MCM4: variants seen among roughly 807,000 people sequenced by gnomAD.
MCM4 encodes the protein DNA replication licensing factor MCM4.
In MCM4, 60 loss-of-function variants were observed where a neutral mutation model predicts 88.7. The ratio of observed to expected loss-of-function variants is 0.68; its 90% CI spans 0.55 to 0.84. The LOEUF is 0.84. Among genes scored for constraint, MCM4 ranks in the 40% least tolerant of loss-of-function variants. MCM4 has a pLI of 0.00. For synonymous variants in MCM4, 465 were observed against 410.5 expected, an observed-to-expected ratio of 1.13 and a Z score of -1.61; for missense variants, 1,149 against 1,105.5, an observed-to-expected ratio of 1.04 and a Z score of -0.56.
At chr8:47,961,259 C>G (rs892045901) in intron 2 of MCM4, 45 bp downstream of exon 2, 5 of 1,442,916 alleles carry the variant, frequency 3.5e-6, no homozygotes, top group Admixed American at 5.8e-5. Context: ...GGCGCCGCCC[C>G]GTCTGCCCTC....
At chr8:47,961,492 C>T (rs2090833594) in intron 2 of MCM4, 24 bp from the exon 3 acceptor site, 2 of 1,613,416 alleles carry the variant, frequency 1.2e-6, no homozygotes, top group Non-Finnish European at 1.7e-6. Context: ...TAATGGCTGT[C>T]TTTTCTGTTT....
chr8:47,974,715 G>A lies in MCM4; in HGVS notation c.2137-19G>A. 1 of 1,600,870 alleles carries A rather than the reference G, an allele frequency of 6.2e-7. No homozygotes were observed. The highest frequency in any genetic ancestry group is 8.5e-7 in the Non-Finnish European group (1 of 1,170,184). On this transcript the variant is annotated intron_variant, in intron 14 of 16. Coordinates refer to ENST00000649973, the MANE Select transcript of MCM4 (RefSeq NM_182746.3). ...ACCAAGGAGGTTTGCTTTTGCTTTT[G>A]TTTTTCTACCTACAATAGGCTTATG...
chr8:47,976,770 T>G lies in MCM4; in HGVS notation c.2584T>G (p.Leu862Val). The change falls in exon 17 of 17, where the codon TTG becomes GTG. Residue 862 changes from leucine (L) to valine (V), a missense_variant. Physicochemically the swap from Leu to Val is conservative, Grantham distance 32. Coordinates refer to ENST00000649973, the MANE Select transcript of MCM4 (RefSeq NM_182746.3). ...FLTVTGKTVRLL is the reference protein window; with the variant it reads ...FLTVTGKTVRVL ...GACAGTGACTGGGAAGACCGTGCGC[T>G]TGCTCTGAAGCCTTGTGAGCAAGGA... 6.2e-7 allele frequency: 1 copy of G among 1,608,324 alleles called. No individual in the cohort carries two copies. Among genetic ancestry groups the G allele is most frequent in the Non-Finnish European group, 8.5e-7 (1 of 1,174,972 alleles).
intron 3 of MCM4, 110 bp from the exon 4 acceptor site, chr8:47,961,943 G>A (rs2090844359): frequency 9.2e-7 from 1 of 1,083,120 alleles, no homozygotes; most frequent in Non-Finnish European, 1.4e-6. Flanking sequence ...ACCGCAGGTT[G>A]CAATAAATAT....
chr8:47,961,865 A>G, intron 3 of MCM4, 185 bp downstream of exon 3: 1 of 907,212 alleles, frequency 1.1e-6, no homozygotes, highest in Non-Finnish European at 1.6e-6. Flanking sequence ...GGGCTTAGTG[A>G]GCAGAGGAAG....
In MCM4 at chr8:47,976,788, A is replaced by T; in HGVS notation, c.*10A>T. On this transcript the variant is annotated 3_prime_UTR_variant, in exon 17 of 17. Coordinates refer to ENST00000649973, the MANE Select transcript of MCM4 (RefSeq NM_182746.3). Reference sequence around the variant, plus strand: ...CGTGCGCTTGCTCTGAAGCCTTGTGAGCAAGGAAGGCTCCCTGCATGTCCT... The same window carrying T: ...CGTGCGCTTGCTCTGAAGCCTTGTGTGCAAGGAAGGCTCCCTGCATGTCCT... 2 of 1,578,186 alleles carry T rather than the reference A, an allele frequency of 1.3e-6. No homozygotes were observed. The highest frequency in any genetic ancestry group is 1.7e-4 in the Middle Eastern group (1 of 5,962).
At position 47,966,338 on chromosome 8, in the gene MCM4, C is replaced by T. The variant is rs200670710; in HGVS notation, c.984C>T (p.Cys328=). The T allele has an allele frequency of 7.9e-5, 128 of 1,613,724 alleles. No homozygotes were observed. Among genetic ancestry groups the T allele is most frequent in the Admixed American group, 1.7e-4 (10 of 60,006 alleles). The change falls in exon 9 of 17, where the codon TGC becomes TGT. Residue 328 remains cysteine (C), a synonymous_variant. Coordinates refer to ENST00000649973, the MANE Select transcript of MCM4 (RefSeq NM_182746.3). ...GCCGCATTGCAGAGCCCAGTGTGTG[C>T]GGGCGCTGCCACACCACCCACAGCA... ...DRGRIAEPSV[C]GRCHTTHSMA... is the part of the protein sequence containing the mutation.
rs1440626042 is a variant in MCM4, at chr8:47,977,913, A to G, written c.*1135A>G. 5 of 152,230 alleles carry G rather than the reference A, an allele frequency of 3.3e-5. No homozygotes were observed. Among genetic ancestry groups the G allele is most frequent in the African/African-American group, 1.2e-4 (5 of 41,472 alleles). The allele number at this position is 152,230 out of a possible 1,614,324, so 9.4% of individuals were successfully genotyped here. A position where few individuals can be genotyped will look rare whatever the true frequency, so the allele number is the denominator to read the frequency against. On this transcript the variant is annotated 3_prime_UTR_variant, in exon 17 of 17. Transcript: ENST00000649973. ...ATACATAAAACTTTTTCCTAAATAA[A>G]TGATGGAAGGAATAATACTTGGTTA...
Position 47,961,158 on chromosome 8 carries a change from C to A in MCM4, c.14C>A (p.Ala5Glu). The change falls in exon 2 of 17, where the codon GCG becomes GAG. Residue 5 changes from alanine (A) to glutamate (E), a missense_variant. By Grantham distance (107) the Ala-to-Glu change is moderately radical. Coordinates refer to ENST00000649973, the MANE Select transcript of MCM4 (RefSeq NM_182746.3). ...ACTCCGAGCACTATGTCGTCCCCGG[C>A]GTCGACCCCGAGCCGCCGCGGCAGC... is the stretch of plus-strand genomic sequence containing the variant. The part of the protein sequence containing the change: MSSP[A>E]STPSRRGSRR... 1 of 1,552,200 alleles carries A rather than the reference C, an allele frequency of 6.4e-7. No homozygotes were observed. The highest frequency in any genetic ancestry group is 8.6e-7 in the Non-Finnish European group (1 of 1,159,270).
chr8:47,966,800 A>C (rs72647927), intron 9 of MCM4, among the ~76,000 whole-genome samples: 3,381 of 152,356 alleles, frequency 0.022, 59 homozygotes, highest in Non-Finnish European at 0.035. Context: ...CTCTATATTC[A>C]TGAAATTTTA....
intron 3 of MCM4, 150 bp downstream of exon 3, chr8:47,961,830 C>A: frequency 9.0e-7 from 1 of 1,114,008 alleles, no homozygotes; most frequent in Non-Finnish European, 1.3e-6. Flanking sequence ...AGGAGCTGAA[C>A]GGAGTGCAGA....
intron 14 of MCM4, 68 bp from the exon 15 acceptor site, chr8:47,974,666 T>C: frequency 7.8e-7 from 1 of 1,275,714 alleles, no homozygotes; most frequent in South Asian, 1.3e-5. Flanking sequence ...GTGTTCAAAA[T>C]TCACCCACAA....
rs1204843606 is a variant in MCM4 at position 47,970,075 on chromosome 8, A to G, written c.1434+18A>G. 6.2e-7 allele frequency: 1 copy of G among 1,610,460 alleles called. No homozygotes were observed. Among genetic ancestry groups the G allele is most frequent in the Non-Finnish European group, 8.5e-7 (1 of 1,178,058 alleles). On this transcript the variant is annotated intron_variant, in intron 11 of 16. Transcript: ENST00000649973. ...TAAAGAAGGTAACAGTGGATTTTAAACTAGGGGTTGGGATTTACAATTCTT... is the reference window on the plus strand; with the variant it reads ...TAAAGAAGGTAACAGTGGATTTTAAGCTAGGGGTTGGGATTTACAATTCTT...
rs1589830465 is a variant in MCM4 at position 47,967,397 on chromosome 8, T to C, written c.1086T>C (p.Pro362=). Residue 362 remains proline, a synonymous_variant, in exon 10 of 17, where the codon CCT becomes CCC. Transcript: ENST00000649973. The part of the protein sequence containing the change: ...IKLQESPEDM[P]AGQTPHTVIL... ...TTCAGGAGTCTCCGGAAGACATGCC[T>C]GCAGGGCAGACACCACACACAGTTA... The C allele has an allele frequency of 6.2e-7, 1 of 1,614,240 alleles. No homozygotes were observed. The highest frequency in any genetic ancestry group is 2.2e-5 in the East Asian group (1 of 44,886).
intron 10 of MCM4, chr8:47,969,505 G>A: frequency 2.7e-6 from 1 of 366,006 alleles, no homozygotes; most frequent in South Asian, 4.1e-5. Context: ...TGATCCGCCT[G>A]CCTCAGCCTC....
intron 7 of MCM4, 44 bp from the exon 8 acceptor site, chr8:47,964,530 A>G: frequency 1.4e-6 from 2 of 1,478,118 alleles, no homozygotes; most frequent in Non-Finnish European, 1.8e-6. Context: ...TATATTTAAC[A>G]CTGAGATATG....
intron 12 of MCM4, 141 bp downstream of exon 12, chr8:47,971,017 T>A: frequency 9.3e-7 from 1 of 1,069,566 alleles, no homozygotes; most frequent in Non-Finnish European, 1.3e-6. Context: ...ATATTTCAGC[T>A]AAATCTCAAC....
At chr8:47,975,160 G>T in intron 15 of MCM4, 198 bp downstream of exon 15, 32 of 472,180 alleles carry the variant, frequency 6.8e-5, no homozygotes, top group Middle Eastern at 5.8e-4. Flanking sequence ...AACACACACA[G>T]TTTTGTGTAT....
Position 47,962,980 on chromosome 8 carries a change from C to T in MCM4, c.633C>T (p.Asn211=). The change falls in exon 7 of 17, where the codon AAC becomes AAT. Residue 211 remains asparagine, a synonymous_variant. Transcript: ENST00000649973. ...TTGGTGAGCCATTTTTAAATGTGAA[C>T]TGTGAACACATCAAATCATTTGACA... is the stretch of plus-strand genomic sequence containing the variant. The part of the protein sequence containing the change: ...NVIGEPFLNV[N]CEHIKSFDKN... The T allele has an allele frequency of 6.8e-6, 11 of 1,608,040 alleles. No homozygotes were observed. The highest frequency in any genetic ancestry group is 9.3e-6 in the Non-Finnish European group (11 of 1,177,676).
Sources: gnomAD v4.1 joint callset for allele counts (sites outside exome capture counted in the v4.1 genomes callset) on GRCh38, gnomAD v4.1.1 for gene constraint, MANE v1.5 for transcripts, NCBI Gene and HGNC (gene_info 2026-07-23, HGNC 2026-07-21) for gene names.